ALMS1: variants seen among roughly 807,000 people sequenced by gnomAD.
ALMS1 encodes centrosome-associated protein ALMS1.
In ALMS1, 271 loss-of-function variants were observed where a neutral mutation model predicts 352.2. The observed-to-expected ratio is 0.77, with a 90% CI of 0.70 to 0.85. ALMS1 has a LOEUF of 0.85. Ranked by LOEUF, ALMS1 falls within the 40% of genes least tolerant of loss-of-function variation. The probability of loss-of-function intolerance (pLI) is 0.00; values close to 1 mark genes in which losing one functional copy is unlikely to be tolerated. For missense variants in ALMS1, 5,445 were observed against 4,870.7 expected (o/e 1.12, Z -3.51); for synonymous variants, 1,865 against 1,761.2 (o/e 1.06, Z -1.48).
chr2:73,594,953 A>G (rs900410062), intron 16 of ALMS1, among the ~76,000 whole-genome samples: 3 of 152,190 alleles, frequency 2.0e-5, no homozygotes, highest in Non-Finnish European at 4.4e-5. Flanking sequence ...GTGAGAGCGT[A>G]TTGACCAACA....
At chr2:73,425,499 C>A (rs1402269757) in intron 5 of ALMS1, among the ~76,000 whole-genome samples, 1 of 152,062 alleles carries the variant, frequency 6.6e-6, no homozygotes, top group Non-Finnish European at 1.5e-5. Flanking sequence ...GATATCAGAA[C>A]AACTGTATTT....
At chr2:73,526,143 G>T (rs1208624943) in intron 11 of ALMS1, among the ~76,000 whole-genome samples, 1 of 152,122 alleles carries the variant, frequency 6.6e-6, no homozygotes, top group Admixed American at 6.5e-5. Flanking sequence ...TTATGTGCCT[G>T]TTTTTAAGCC....
rs140062566 is a variant in ALMS1 at position 73,452,375 on chromosome 2, A to C, written c.5848A>C (p.Ile1950Leu). 1 of 1,613,838 alleles carries C rather than the reference A, an allele frequency of 6.2e-7. No individual in the cohort carries two copies. The highest frequency in any genetic ancestry group is 8.5e-7 in the Non-Finnish European group (1 of 1,179,900). Residue 1950 changes from isoleucine (I) to leucine (L), a missense_variant, in exon 8 of 23, where the codon ATC (isoleucine) becomes CTC (leucine). Coordinates refer to ENST00000613296, the MANE Select transcript of ALMS1 (RefSeq NM_001378454.1). ...CTCACGTAGAGAGAAGCCCAGTGTT[A>C]TCTCTCAACAGGAGTTGCCAGACAG... ...YYSRREKPSV[I>L]SQQELPDSHL...
At chr2:73,430,366 G>A (rs984500367) in intron 6 of ALMS1, among the ~76,000 whole-genome samples, 2 of 152,162 alleles carry the variant, frequency 1.3e-5, no homozygotes, top group African/African-American at 2.4e-5. Context: ...GTGAACCAAC[G>A]TGCCTGGCCG....
At chr2:73,443,869 GA>G (rs1671761330) in intron 7 of ALMS1, among the ~76,000 whole-genome samples, 1 of 152,162 alleles carries the variant, frequency 6.6e-6, no homozygotes, top group Non-Finnish European at 1.5e-5. Context: ...CAGTTGTAAT[GA>G]AGGCCTATGG....
chr2:73,511,427 C>T (rs1673449304), intron 10 of ALMS1, among the ~76,000 whole-genome samples: 1 of 151,912 alleles, frequency 6.6e-6, no homozygotes, highest in Non-Finnish European at 1.5e-5. Flanking sequence ...GAGGGAGTTC[C>T]CCAACCCGTT....
In ALMS1 at chr2:73,464,325, A is replaced by G. The variant is rs1454248220; in HGVS notation, c.7674+9030A>G. ...TCAATAAACGTAATCCAGCATATACACAGAACCAAAGACAAAAACCACATG... is the reference window on the plus strand; with the variant it reads ...TCAATAAACGTAATCCAGCATATACGCAGAACCAAAGACAAAAACCACATG... On this transcript the variant is annotated intron_variant, in intron 9 of 22. Transcript: ENST00000613296. Among the ~76,000 whole-genome samples, 13 of 152,382 alleles carry G rather than the reference A, an allele frequency of 8.5e-5. 1 individual carries two copies. The highest frequency in any genetic ancestry group is 3.1e-4 in the African/African-American group (13 of 41,592).
At position 73,602,235 on chromosome 2, in the gene ALMS1, G is replaced by A. The variant is rs758365496; in HGVS notation, c.12165G>A (p.Arg4055=). 68 of 1,614,050 alleles carry A rather than the reference G, an allele frequency of 4.2e-5. No homozygotes were observed. The Middle Eastern group carries it at 4.9e-4, about 12-fold the overall frequency. Reference sequence around the variant, plus strand: ...ACTTCATCTCCCGCTCTGGGGAGCGGATAAAGCGCCTGAAGTTAATAGTCC... The same window carrying A: ...ACTTCATCTCCCGCTCTGGGGAGCGAATAAAGCGCCTGAAGTTAATAGTCC... The part of the protein sequence containing the change: ...RPDFISRSGE[R]IKRLKLIVQE... Residue 4055 remains arginine, a synonymous_variant, in exon 20 of 23, where the codon CGG becomes CGA. Coordinates refer to ENST00000613296, the MANE Select transcript of ALMS1 (RefSeq NM_001378454.1).
intron 12 of ALMS1, among the ~76,000 whole-genome samples, chr2:73,541,429 G>A (rs936602173): frequency 2.7e-4 from 41 of 152,212 alleles, no homozygotes; most frequent in African/African-American, 9.1e-4. Flanking sequence ...AGGAAAGATC[G>A]AAAATTGACA....
chr2:73,446,590 AT>A (rs748753934), intron 7 of ALMS1, among the ~76,000 whole-genome samples: 33 of 152,168 alleles, frequency 2.2e-4, no homozygotes, highest in Middle Eastern at 3.4e-3. Context: ...TCCTCAACCC[AT>A]TTCATTCTAT....
At chr2:73,491,811 A>G (rs1049267476) in intron 10 of ALMS1, among the ~76,000 whole-genome samples, 9 of 152,214 alleles carry the variant, frequency 5.9e-5, no homozygotes, top group Admixed American at 2.6e-4. Context: ...TGTGTTGGAC[A>G]TATGCTGAAG....
At chr2:73,467,958 A>G (rs1263845343) in intron 9 of ALMS1, among the ~76,000 whole-genome samples, 2 of 152,078 alleles carry the variant, frequency 1.3e-5, no homozygotes, top group African/African-American at 4.8e-5. Context: ...AAGACGCACA[A>G]GAGGTCTTCT....
chr2:73,397,045 T>TG (rs998173096), intron 1 of ALMS1, among the ~76,000 whole-genome samples: 3 of 152,232 alleles, frequency 2.0e-5, no homozygotes, highest in East Asian at 1.9e-4. Context: ...TCCCCCTAAC[T>TG]GGGGGGTAGG....
chr2:73,573,916 A>G (rs1674999060), intron 16 of ALMS1, among the ~76,000 whole-genome samples: 2 of 152,068 alleles, frequency 1.3e-5, no homozygotes, highest in African/African-American at 4.8e-5. Context: ...GAGCTACAAT[A>G]TGATTTTTTA....
intron 11 of ALMS1, among the ~76,000 whole-genome samples, chr2:73,531,665 A>G (rs1410971388): frequency 1.3e-5 from 2 of 152,166 alleles, no homozygotes; most frequent in African/African-American, 4.8e-5. Flanking sequence ...AATTCTTTGT[A>G]TTCATTTTCA....
chr2:73,435,307 T>C (rs60303012), intron 7 of ALMS1, among the ~76,000 whole-genome samples: 2,336 of 152,326 alleles, frequency 0.015, 77 homozygotes, highest in African/African-American at 0.053. Flanking sequence ...ATGTGTCTTG[T>C]GTCCTTTTTC....
intron 21 of ALMS1, among the ~76,000 whole-genome samples, chr2:73,606,984 C>A (rs1477125613): frequency 6.6e-6 from 1 of 152,162 alleles, no homozygotes; most frequent in Non-Finnish European, 1.5e-5. Context: ...GTGTTTCCCG[C>A]AGAGCCCTCC....
intron 9 of ALMS1, among the ~76,000 whole-genome samples, chr2:73,463,289 T>C (rs1390382554): frequency 2.0e-5 from 3 of 152,228 alleles, no homozygotes; most frequent in Admixed American, 6.5e-5. Flanking sequence ...AACTCAGGAT[T>C]CAGAATCTCA....
Position 73,490,016 on chromosome 2 carries a change from C to T in ALMS1, c.8057C>T (p.Pro2686Leu), listed in dbSNP as rs1269143077. 1.9e-6 allele frequency: 3 copies of T among 1,614,222 alleles called. No individual in the cohort carries two copies. The highest frequency in any genetic ancestry group is 1.7e-5 in the Admixed American group (1 of 60,022). ...CCTTGGCTGTCAGAATTAGTAGAAC[C>T]TGCTTTTGTGCCACCTAAAGAAGTG... Reference protein sequence around the residue: ...MDPWLSELVEPAFVPPKEVDF... With the variant: ...MDPWLSELVELAFVPPKEVDF... The change falls in exon 10 of 23, where the codon CCT (proline) becomes CTT (leucine). Residue 2686 changes from proline to leucine, a missense_variant. Coordinates refer to ENST00000613296, the MANE Select transcript of ALMS1 (RefSeq NM_001378454.1).
Sources: allele counts gnomAD v4.1 joint callset (sites outside exome capture counted in the v4.1 genomes callset), GRCh38; gene constraint gnomAD v4.1.1; transcripts MANE v1.5; gene names NCBI Gene and HGNC (gene_info 2026-07-23, HGNC 2026-07-21).